Variants in CARD8 observed in about 807,000 individuals in gnomAD.
CARD8 encodes the protein caspase recruitment domain-containing protein 8.
Under a neutral mutation model 53.2 loss-of-function variants are expected in CARD8, and 38 were observed. The ratio of observed to expected loss-of-function variants is 0.71; its 90% CI spans 0.55 to 0.94. The LOEUF is 0.94. Among genes scored for constraint, CARD8 ranks in the 40% least tolerant of loss-of-function variants. CARD8 has a pLI of 0.00. For missense variants in CARD8, 561 were observed against 655.5 expected, an observed-to-expected ratio of 0.86 and a Z score of 1.57; for synonymous variants, 245 against 244.9, an observed-to-expected ratio of 1.00 and a Z score of 0.00.
chr19:48,221,915 A>G, intron 10 of CARD8, 60 bp from the exon 11 acceptor site: 1 of 1,440,098 alleles, frequency 6.9e-7, no homozygotes, highest in South Asian at 1.4e-5. Flanking sequence ...AAGTAGTGGC[A>G]TAAAAAGTTA....
chr19:48,241,618 A>C (rs565280431), intron 3 of CARD8, among the ~76,000 whole-genome samples: 2 of 152,276 alleles, frequency 1.3e-5, no homozygotes, highest in South Asian at 4.1e-4. Context: ...TATGCAGAAC[A>C]GGAACTTCTA....
intron 7 of CARD8, 63 bp downstream of exon 7, chr19:48,232,385 CACATA>C: frequency 7.2e-7 from 1 of 1,396,844 alleles, no homozygotes; most frequent in Admixed American, 2.0e-5. Context: ...TTGTCTTCTT[CACATA>C]AAATCACAGA....
intron 10 of CARD8, among the ~76,000 whole-genome samples, chr19:48,227,557 C>A (rs1363732956): frequency 6.6e-6 from 1 of 152,086 alleles, no homozygotes; most frequent in Non-Finnish European, 1.5e-5. Context: ...GTAATCCCAA[C>A]ACTTTGGGAG....
Position 48,210,250 on chromosome 19 carries a change from C to T in CARD8, c.*1460G>A, listed in dbSNP as rs941710056. On this transcript the variant is annotated 3_prime_UTR_variant, in exon 14 of 14. Coordinates refer to ENST00000651546, the MANE Select transcript of CARD8 (RefSeq NM_001184900.3). ...AACTAAAAATACTACAAGCAAAAAA[C>T]ATCACTGAGAATGAAGGTGAGAAAA... 2 of 152,014 alleles carry T rather than the reference C, an allele frequency of 1.3e-5. No homozygotes were observed. Among genetic ancestry groups the T allele is most frequent in the African/African-American group, 4.8e-5 (2 of 41,396 alleles). 9.4% of individuals were successfully genotyped at this position (152,014 alleles called of 1,614,324 possible). A position where few individuals can be genotyped will look rare whatever the true frequency, so the allele number is the denominator to read the frequency against.
chr19:48,233,217 G>GA (rs2043232505), intron 6 of CARD8: 1 of 409,346 alleles, frequency 2.4e-6, no homozygotes. Context: ...CATACAGCGT[G>GA]AGCCAATGGT....
At chr19:48,238,757 T>C (rs142167179) in intron 4 of CARD8, among the ~76,000 whole-genome samples, 6 of 151,764 alleles carry the variant, frequency 4.0e-5, no homozygotes, top group Non-Finnish European at 7.4e-5. Flanking sequence ...TGCCCATCCA[T>C]AGAGATGCCA....
At position 48,232,454 on chromosome 19, in the gene CARD8, T is replaced by C; in HGVS notation, c.390A>G (p.Ser130=). 6.5e-7 allele frequency: 1 copy of C among 1,535,514 alleles called. No homozygotes were observed. The highest frequency in any genetic ancestry group is 8.7e-7 in the Non-Finnish European group (1 of 1,146,270). Residue 130 remains serine (S), a splice_region_variant and synonymous_variant, in exon 7 of 14, where the codon TCA becomes TCG. Transcript: ENST00000651546. ...EEQESSEGQD[S]GDICSEENQI... ...CTCCTCTCCCTATTAGCCCATTACC[T>C]GAATCTTGTCCCTCTGAAGATTCCT...
intron 5 of CARD8, 143 bp downstream of exon 5, chr19:48,238,235 AAACTT>A: frequency 7.4e-7 from 1 of 1,355,578 alleles, no homozygotes; most frequent in Non-Finnish European, 9.7e-7. Context: ...TTTGAAATAA[AAACTT>A]AAGATAACAA....
At chr19:48,221,603 A>G in intron 11 of CARD8, 127 bp downstream of exon 11, 1 of 577,332 alleles carries the variant, frequency 1.7e-6, no homozygotes, top group South Asian at 5.2e-5. Context: ...CTATAATTTC[A>G]ATTTTTTTAA....
chr19:48,232,030 A>C (rs4802448), intron 7 of CARD8: 9 of 635,360 alleles, frequency 1.4e-5, no homozygotes, highest in Non-Finnish European at 2.6e-5. Context: ...ATTCCATAAG[A>C]CTTTCTGGGA....
chr19:48,232,495 T>TGGAGGTGTATCATG lies in CARD8; in HGVS notation c.351-3_351-2insCATGATACACCTCC, dbSNP rs1276098846. On this transcript the variant is annotated splice_region_variant and splice_polypyrimidine_tract_variant and intron_variant, in intron 6 of 13. Transcript: ENST00000651546. ...GAAGATTCCTGCTCTTCTGATACAC[T>TGGAGGTGTATCATG]GGAGGTTGGGATCCCCATGTTACAA... 51 of 1,535,620 alleles carry TGGAGGTGTATCATG rather than the reference T, an allele frequency of 3.3e-5. No individual in the cohort carries two copies. Among genetic ancestry groups the TGGAGGTGTATCATG allele is most frequent in the Non-Finnish European group, 4.4e-5 (50 of 1,146,516 alleles).
chr19:48,204,084 T>C (rs1386207614), downstream of CARD8: 2 of 445,650 alleles, frequency 4.5e-6, no homozygotes, highest in South Asian at 1.6e-5. Context: ...CGCTGAGCAT[T>C]GTGGGGCCCG....
chr19:48,221,729 C>A lies in CARD8; in HGVS notation c.1161+1G>T, dbSNP rs541969712. ...CTGAGTTGGGTTTGAATTCTACTAA[C>A]CTTGGGCATTACTTTCAGGTTAGCA... On this transcript the variant is annotated splice_donor_variant, in intron 11 of 13. Coordinates refer to ENST00000651546, the MANE Select transcript of CARD8 (RefSeq NM_001184900.3). LOFTEE classifies it high-confidence loss of function. 1.4e-4 allele frequency: 228 copies of A among 1,577,934 alleles called. 3 individuals are homozygous for A. In the South Asian group the frequency reaches 2.5e-3, roughly 17 times the overall value.
intron 3 of CARD8, 94 bp from the exon 4 acceptor site, chr19:48,241,157 T>G: frequency 1.4e-6 from 1 of 692,658 alleles, no homozygotes; most frequent in Non-Finnish European, 2.4e-6. Flanking sequence ...ACAAAAGCGC[T>G]TATTGCTCAT....
chr19:48,228,449 T>C (rs2042211088), intron 10 of CARD8, among the ~76,000 whole-genome samples: 1 of 151,752 alleles, frequency 6.6e-6, no homozygotes, highest in African/African-American at 2.4e-5. Context: ...AGCATTCCAC[T>C]GAGACCCCAG....
At chr19:48,220,692 T>C (rs142751274) in intron 11 of CARD8, among the ~76,000 whole-genome samples, 2,332 of 152,002 alleles carry the variant, frequency 0.015, 33 homozygotes, top group Non-Finnish European at 0.026. Flanking sequence ...GGTGGGCAGA[T>C]CACGAGGTCA....
chr19:48,216,885 T>C (rs963070594), intron 12 of CARD8, among the ~76,000 whole-genome samples: 13 of 152,176 alleles, frequency 8.5e-5, no homozygotes, highest in African/African-American at 3.1e-4. Flanking sequence ...TATTACATTG[T>C]AATGTATAAT....
At chr19:48,235,122 C>T (rs1031123006) in intron 5 of CARD8, among the ~76,000 whole-genome samples, 1 of 152,182 alleles carries the variant, frequency 6.6e-6, no homozygotes, top group Non-Finnish European at 1.5e-5. Flanking sequence ...ATATTGTACA[C>T]ACTTTCTTTT....
chr19:48,215,434 C>T (rs755211486), intron 12 of CARD8, 50 bp from the exon 13 acceptor site: 1 of 1,273,892 alleles, frequency 7.8e-7, no homozygotes, highest in African/African-American at 1.5e-5. Context: ...ATCATGTACC[C>T]TTATTTAGCT....
Sources: gnomAD v4.1 joint callset for allele counts (sites outside exome capture counted in the v4.1 genomes callset) on GRCh38, gnomAD v4.1.1 for gene constraint, MANE v1.5 for transcripts, NCBI Gene and HGNC (gene_info 2026-07-23, HGNC 2026-07-21) for gene names.